ZEB2: variants seen among roughly 807,000 people sequenced by gnomAD.
The protein encoded by ZEB2 is zinc finger E-box-binding homeobox 2.
In ZEB2, 6 loss-of-function variants were observed where a neutral mutation model predicts 99.9. The observed-to-expected ratio is 0.06, with a 90% CI of 0.03 to 0.12. The LOEUF is 0.12. ZEB2 is among the 10% of genes least tolerant of loss of function. The pLI, the probability that ZEB2 is intolerant of heterozygous loss-of-function variation, is 1.00. For missense variants in ZEB2, 969 were observed against 1,502.8 expected, an observed-to-expected ratio of 0.64 and a Z score of 5.87; for synonymous variants, 517 against 542.5, an observed-to-expected ratio of 0.95 and a Z score of 0.65.
chr2:144,490,280 A>G (rs1704657829), intron 2 of ZEB2, among the ~76,000 whole-genome samples: 1 of 152,344 alleles, frequency 6.6e-6, no homozygotes, highest in South Asian at 2.1e-4. Context: ...ATCTGCTGAG[A>G]AAATTAAATG....
intron 2 of ZEB2, among the ~76,000 whole-genome samples, chr2:144,440,515 ATTTTTTTT>A (rs201944188): frequency 6.2e-3 from 201 of 32,604 alleles, no homozygotes; most frequent in Admixed American, 8.0e-3. Context: ...ATATATATAT[ATTTTTTTT>A]TTTTTTTTTT....
intron 2 of ZEB2, among the ~76,000 whole-genome samples, chr2:144,469,010 C>A (rs1413377812): frequency 6.6e-6 from 1 of 152,136 alleles, no homozygotes; most frequent in Non-Finnish European, 1.5e-5. Flanking sequence ...ATGTGTCACA[C>A]TCTTACCCTT....
In ZEB2 at chr2:144,387,786, C is replaced by G. The variant is rs574826307; in HGVS notation, c.*1665G>C. 6.6e-6 allele frequency: 1 copy of G among 152,078 alleles called. No individual in the cohort carries two copies. The highest frequency in any genetic ancestry group is 2.1e-4 in the South Asian group (1 of 4,826). The allele number at this position is 152,078 out of a possible 1,614,324, so 9.4% of individuals were successfully genotyped here. On this transcript the variant is annotated 3_prime_UTR_variant, in exon 10 of 10. Transcript: ENST00000627532. ...AGACTAAATTTGAATAATATAACCT[C>G]ACATAAAAATACACAATCTGGAATC...
intron 2 of ZEB2, 109 bp from the exon 3 acceptor site, chr2:144,430,135 A>G: frequency 6.8e-7 from 1 of 1,461,932 alleles, no homozygotes; most frequent in South Asian, 1.2e-5. Flanking sequence ...TAACTGAATT[A>G]CTCAACCATG....
intron 2 of ZEB2, among the ~76,000 whole-genome samples, chr2:144,465,091 C>T (rs886989746): frequency 6.6e-6 from 1 of 152,126 alleles, no homozygotes; most frequent in Non-Finnish European, 1.5e-5. Flanking sequence ...AAGAGTAGCT[C>T]GTATAAGAAA....
intron 8 of ZEB2, chr2:144,397,975 A>G: frequency 2.8e-6 from 1 of 361,288 alleles, no homozygotes; most frequent in Non-Finnish European, 5.4e-6. Flanking sequence ...ACGGTTATAA[A>G]CTTTAACTTC....
At chr2:144,511,629 T>G (rs1289843113) in intron 2 of ZEB2, 4 of 1,286,628 alleles carry the variant, frequency 3.1e-6, no homozygotes, top group Non-Finnish European at 4.0e-6. Context: ...ATTCAATAGA[T>G]TTTCCAAGTG....
chr2:144,503,657 G>A (rs1704906494), intron 2 of ZEB2: 1 of 151,990 alleles, frequency 6.6e-6, no homozygotes, highest in African/African-American at 2.4e-5. Flanking sequence ...AATGTTCTCA[G>A]GCAAAGGAAA....
intron 4 of ZEB2, among the ~76,000 whole-genome samples, chr2:144,408,585 C>T (rs915602689): frequency 2.6e-5 from 4 of 152,142 alleles, no homozygotes; most frequent in African/African-American, 4.8e-5. Context: ...AGAGTTAAAC[C>T]TCCCAGAAAC....
intron 6 of ZEB2, among the ~76,000 whole-genome samples, chr2:144,403,631 ATTCAC>A (rs755750335): frequency 6.6e-5 from 10 of 152,214 alleles, no homozygotes; most frequent in Non-Finnish European, 1.2e-4. Context: ...CTACAATTTC[ATTCAC>A]TTTTTGTGGA....
intron 2 of ZEB2, among the ~76,000 whole-genome samples, chr2:144,440,501 ATATATATATATATATTTTTTTTTTTT>A (rs200086405): frequency 0.51 from 38,597 of 76,402 alleles, 6,401 homozygotes; most frequent in Admixed American, 0.58. Flanking sequence ...ATATATATAT[ATATATATATATATATTTTTTTTTTTT>A]TTTTTTTTTT....
chr2:144,397,826 A>T, intron 8 of ZEB2: 1 of 279,910 alleles, frequency 3.6e-6, no homozygotes, highest in Non-Finnish European at 7.0e-6. Flanking sequence ...TTTTTAGGAC[A>T]GATGGTGTTT....
chr2:144,401,116 A>T (rs1239799624), intron 7 of ZEB2, 83 bp downstream of exon 7: 1 of 1,237,892 alleles, frequency 8.1e-7, no homozygotes, highest in East Asian at 2.3e-5. Flanking sequence ...TACAAATAGG[A>T]CTGTGTAAAT....
chr2:144,394,308 A>G (rs1703192978), intron 9 of ZEB2: 1 of 152,210 alleles, frequency 6.6e-6, no homozygotes, highest in South Asian at 2.1e-4. Flanking sequence ...GAAGGTTACA[A>G]TTCTCTAATT....
intron 4 of ZEB2, among the ~76,000 whole-genome samples, chr2:144,423,851 A>G (rs1703653212): frequency 6.6e-6 from 1 of 152,182 alleles, no homozygotes; most frequent in Admixed American, 6.5e-5. Context: ...AAATCATCTT[A>G]GTTTTTTACA....
At position 144,389,484 on chromosome 2, in the gene ZEB2, G is replaced by T. The variant is rs1357018488; in HGVS notation, c.3612C>A (p.Asp1204Glu). The change falls in exon 10 of 10, where the codon GAC becomes GAA. Residue 1204 changes from aspartate (D) to glutamate (E), a missense_variant. Physicochemically the swap from Asp to Glu is conservative, Grantham distance 45. Transcript: ENST00000627532. The surrounding 1 kb of genome is among the most constrained non-coding windows in gnomAD (Gnocchi z 6.8). ...CATCTTCCATATTGTCTTCCTCGTG[G>T]TCTGATTTGGTTTCCATTTTCCCAT... is the stretch of plus-strand genomic sequence containing the variant. ...SEDGKMETKS[D>E]HEEDNMEDGM The T allele has an allele frequency of 6.2e-7, 1 of 1,614,030 alleles. No individual in the cohort carries two copies. The highest frequency in any genetic ancestry group is 1.1e-5 in the South Asian group (1 of 91,078).
rs148797493 is a variant in ZEB2 at position 144,421,106 on chromosome 2, C to T, written c.403+3690G>A. On this transcript the variant is annotated intron_variant, in intron 4 of 9. Coordinates refer to ENST00000627532, the MANE Select transcript of ZEB2 (RefSeq NM_014795.4). ...TCTGGTTGGTTACTTCAGGCCAGGG[C>T]TCAAAAATATGTTAACCTGAAAATA... Among the ~76,000 whole-genome samples, 39 of 152,222 alleles carry T rather than the reference C, an allele frequency of 2.6e-4. No homozygotes were observed. In the East Asian group the frequency reaches 6.4e-3, roughly 25 times the overall value.
At chr2:144,440,535 T>A (rs1254235906) in intron 2 of ZEB2, among the ~76,000 whole-genome samples, 41 of 112,160 alleles carry the variant, frequency 3.7e-4, no homozygotes, top group African/African-American at 1.6e-3. Context: ...TTTTTTTTTT[T>A]TTTTTTTAAC....
intron 6 of ZEB2, 137 bp downstream of exon 6, chr2:144,403,779 C>T: frequency 9.2e-7 from 1 of 1,090,510 alleles, no homozygotes; most frequent in Non-Finnish European, 1.4e-6. Context: ...TCATTTAGAC[C>T]TCAATTAAAG....
Sources: allele counts gnomAD v4.1 joint callset (sites outside exome capture counted in the v4.1 genomes callset), GRCh38; gene constraint gnomAD v4.1.1; non-coding constraint Gnocchi (gnomAD v3.1); transcripts MANE v1.5; gene names NCBI Gene and HGNC (gene_info 2026-07-23, HGNC 2026-07-21).